The following MAP3K5 variants were observed in gnomAD, a reference collection of about 807,000 sequenced individuals.
MAP3K5 encodes the protein mitogen-activated protein kinase kinase kinase 5.
A neutral mutation model predicts 158.7 loss-of-function variants in MAP3K5; 56 were observed. The ratio of observed to expected loss-of-function variants is 0.35; its 90% CI spans 0.28 to 0.44. The LOEUF is 0.44. Among genes scored for constraint, MAP3K5 ranks in the 20% least tolerant of loss-of-function variants. The pLI, the probability that MAP3K5 is intolerant of heterozygous loss-of-function variation, is 1.00. For synonymous variants in MAP3K5, 579 were observed against 601.7 expected (o/e 0.96, Z 0.55); for missense variants, 1,294 against 1,674.8 (o/e 0.77, Z 3.97).
chr6:136,649,405 T>A (rs1432729447), intron 11 of MAP3K5, among the ~76,000 whole-genome samples: 1 of 152,252 alleles, frequency 6.6e-6, no homozygotes, highest in East Asian at 1.9e-4. Flanking sequence ...CTTGAGCTAC[T>A]ACAATTGAGT....
intron 1 of MAP3K5, among the ~76,000 whole-genome samples, chr6:136,726,772 C>T (rs989422384): frequency 1.3e-5 from 2 of 152,124 alleles, no homozygotes; most frequent in South Asian, 4.1e-4. Flanking sequence ...ATCACAATTG[C>T]TCATTGCTAG....
At chr6:136,773,706 G>A (rs1238597016) in intron 1 of MAP3K5, among the ~76,000 whole-genome samples, 1 of 152,102 alleles carries the variant, frequency 6.6e-6, no homozygotes, top group Non-Finnish European at 1.5e-5. Flanking sequence ...GGAGTGCAGT[G>A]GTACGATCTC....
intron 14 of MAP3K5, among the ~76,000 whole-genome samples, chr6:136,628,879 A>G (rs1057307705): frequency 2.6e-5 from 4 of 152,254 alleles, no homozygotes; most frequent in African/African-American, 9.6e-5. Context: ...AGAAAGCTGA[A>G]AAGAAACAAG....
chr6:136,610,942 T>A (rs1460590996), intron 18 of MAP3K5, among the ~76,000 whole-genome samples: 1 of 150,644 alleles, frequency 6.6e-6, no homozygotes, highest in African/African-American at 2.4e-5. Context: ...CTTGTCTCCA[T>A]CAAAAATACA....
At chr6:136,596,984 G>A (rs1358509324) in intron 21 of MAP3K5, among the ~76,000 whole-genome samples, 1 of 152,196 alleles carries the variant, frequency 6.6e-6, no homozygotes, top group Non-Finnish European at 1.5e-5. Flanking sequence ...CTGCAAGAGA[G>A]GAGCCTGGCA....
At chr6:136,577,203 G>A (rs9389407) in intron 25 of MAP3K5, among the ~76,000 whole-genome samples, 23,281 of 152,084 alleles carry the variant, frequency 0.15, 2,006 homozygotes, top group African/African-American at 0.22. Flanking sequence ...TTTGAAGACC[G>A]TCTGTTTTTC....
intron 10 of MAP3K5, among the ~76,000 whole-genome samples, chr6:136,653,989 C>T (rs954320957): frequency 3.3e-5 from 5 of 152,052 alleles, no homozygotes; most frequent in African/African-American, 4.8e-5. Context: ...AGTCTTGTCA[C>T]AAAAAGACAG....
intron 21 of MAP3K5, among the ~76,000 whole-genome samples, chr6:136,599,589 C>T (rs984704396): frequency 6.6e-6 from 1 of 151,990 alleles, no homozygotes; most frequent in Non-Finnish European, 1.5e-5. Flanking sequence ...TTCCTGCGAA[C>T]AAAAACCAAG....
Position 136,645,679 on chromosome 6 carries a change from C to T in MAP3K5, c.1789-3110G>A, listed in dbSNP as rs368362281. ...AACAAATAGAGAACTGTTAAAAGAT[C>T]GGGATTTCAATTAATTTTACCCCTG... On this transcript the variant is annotated intron_variant, in intron 11 of 29. Coordinates refer to ENST00000359015, the MANE Select transcript of MAP3K5 (RefSeq NM_005923.4). Among the ~76,000 whole-genome samples the T allele has an allele frequency of 8.7e-4, 132 of 152,256 alleles. 3 individuals are homozygous for T. In the South Asian group the frequency reaches 0.025, roughly 29 times the overall value.
chr6:136,658,261 T>C (rs1778839490), intron 9 of MAP3K5, among the ~76,000 whole-genome samples: 1 of 151,942 alleles, frequency 6.6e-6, no homozygotes, highest in Non-Finnish European at 1.5e-5. Flanking sequence ...AATCGCTACA[T>C]GTGATGCTAA....
chr6:136,574,634 G>C (rs181148644), intron 25 of MAP3K5, among the ~76,000 whole-genome samples: 70 of 148,052 alleles, frequency 4.7e-4, no homozygotes, highest in Non-Finnish European at 8.0e-4. Flanking sequence ...TAAGGGACTT[G>C]TACTGTACTC....
intron 23 of MAP3K5, among the ~76,000 whole-genome samples, chr6:136,591,893 C>CT (rs1775402701): frequency 6.6e-6 from 1 of 152,156 alleles, no homozygotes; most frequent in African/African-American, 2.4e-5. Context: ...GTAAAAGAGG[C>CT]TTGTAGGGGC....
chr6:136,790,878 T>G (rs897239589), intron 1 of MAP3K5, among the ~76,000 whole-genome samples: 1 of 152,266 alleles, frequency 6.6e-6, no homozygotes, highest in Admixed American at 6.5e-5. Flanking sequence ...TTACTAGAAC[T>G]GCCTTAACAT....
intron 1 of MAP3K5, among the ~76,000 whole-genome samples, chr6:136,746,768 C>T (rs575818004): frequency 6.6e-6 from 1 of 152,364 alleles, no homozygotes; most frequent in East Asian, 1.9e-4. Flanking sequence ...CTGACCCCTA[C>T]TCTTCAGTAC....
chr6:136,696,119 G>T, intron 5 of MAP3K5, 62 bp from the exon 6 acceptor site: 1 of 954,762 alleles, frequency 1.0e-6, no homozygotes, highest in Non-Finnish European at 1.6e-6. Context: ...TCACAATAAC[G>T]TGTCTTTTGA....
At chr6:136,734,661 T>C (rs1235005829) in intron 1 of MAP3K5, among the ~76,000 whole-genome samples, 1 of 152,226 alleles carries the variant, frequency 6.6e-6, no homozygotes, top group African/African-American at 2.4e-5. Context: ...CTCATGAATA[T>C]ATGAACAGGC....
At chr6:136,743,014 A>C (rs1246481989) in intron 1 of MAP3K5, among the ~76,000 whole-genome samples, 2 of 152,172 alleles carry the variant, frequency 1.3e-5, no homozygotes, top group Non-Finnish European at 2.9e-5. Context: ...ACCTGAGCCC[A>C]GAAAGCTGAA....
intron 25 of MAP3K5, among the ~76,000 whole-genome samples, chr6:136,574,682 A>AC (rs1774520334): frequency 8.7e-6 from 1 of 115,150 alleles, no homozygotes; most frequent in Non-Finnish European, 1.8e-5. Flanking sequence ...AAGATTAAAC[A>AC]CTTTTTTTTT....
chr6:136,566,089 C>G (rs1017725031), intron 26 of MAP3K5, among the ~76,000 whole-genome samples: 1 of 152,072 alleles, frequency 6.6e-6, no homozygotes, highest in African/African-American at 2.4e-5. Context: ...AGAAAGCGGC[C>G]GGAAGCCCTC....
Sources: allele counts gnomAD v4.1 joint callset (sites outside exome capture counted in the v4.1 genomes callset), GRCh38; gene constraint gnomAD v4.1.1; transcripts MANE v1.5; gene names NCBI Gene and HGNC (gene_info 2026-07-23, HGNC 2026-07-21).